The following ZNF540 variants were observed in gnomAD, a reference collection of about 807,000 sequenced individuals.
The protein encoded by ZNF540 is zinc finger protein 540.
ZNF540 carries 3 observed loss-of-function variants against 11.8 expected under a neutral mutation model. That is an observed-to-expected ratio of 0.25 (90% confidence interval 0.12 to 0.65). The LOEUF (loss-of-function observed/expected upper bound fraction) is 0.65. Among genes scored for constraint, ZNF540 ranks in the 30% least tolerant of loss-of-function variants. The probability of loss-of-function intolerance (pLI) is 0.83; values close to 1 mark genes in which losing one functional copy is unlikely to be tolerated. For synonymous variants in ZNF540, 247 were observed against 259.0 expected (o/e 0.95, Z 0.45); for missense variants, 709 against 793.1 (o/e 0.89, Z 1.27).
At chr19:37,556,146 C>T (rs892328935) in intron 1 of ZNF540, 33 of 702,050 alleles carry the variant, frequency 4.7e-5, no homozygotes, top group Non-Finnish European at 7.3e-5. Context: ...TTGCTCTTCG[C>T]GGGTACGGGC....
intron 1 of ZNF540, chr19:37,560,991 C>T (rs2042709522): frequency 7.4e-6 from 1 of 135,276 alleles, no homozygotes; most frequent in Non-Finnish European, 1.5e-5. Flanking sequence ...GCAGGAGGAT[C>T]ACTTGAAGCC....
chr19:37,578,367 A>T (rs1360220749), intron 1 of ZNF540, among the ~76,000 whole-genome samples: 1 of 152,140 alleles, frequency 6.6e-6, no homozygotes, highest in Non-Finnish European at 1.5e-5. Context: ...TGAGAGAGTG[A>T]GAGTCCCTGG....
At position 37,613,400 on chromosome 19, in the gene ZNF540, C is replaced by A. The variant is rs528267969; in HGVS notation, c.*137C>A. 6.9e-5 allele frequency: 42 copies of A among 610,396 alleles called. No homozygotes were observed. In the East Asian group the frequency reaches 1.3e-3, roughly 18 times the overall value. 37.8% of individuals were successfully genotyped at this position (610,396 alleles called of 1,614,324 possible). On this transcript the variant is annotated 3_prime_UTR_variant, in exon 5 of 5. Transcript: ENST00000316433. ...TATGAGTCTTAAATACCTCTTAGTTCTCATTAAATTTAGGAAAATTCACAC... is the reference window on the plus strand; with the variant it reads ...TATGAGTCTTAAATACCTCTTAGTTATCATTAAATTTAGGAAAATTCACAC...
intron 4 of ZNF540, 62 bp from the exon 5 acceptor site, chr19:37,611,451 A>C: frequency 7.3e-7 from 1 of 1,370,196 alleles, no homozygotes; most frequent in Non-Finnish European, 9.9e-7. Flanking sequence ...TTGAAAATGT[A>C]AACTTTATGT....
At position 37,600,644 on chromosome 19, in the gene ZNF540, T is replaced by G. The variant is rs866482611; in HGVS notation, c.137-366T>G. ...ATGAAAAAACTGAGGCCCAAATAAT[T>G]TAACCAGTTTGTTTACAATCATTAG... On this transcript the variant is annotated intron_variant, in intron 3 of 4. Coordinates refer to ENST00000316433, the MANE Select transcript of ZNF540 (RefSeq NM_001172225.3). Among the ~76,000 whole-genome samples the G allele has an allele frequency of 5.3e-5, 8 of 152,268 alleles. No individual in the cohort carries two copies. In the South Asian group the frequency reaches 8.3e-4, roughly 16 times the overall value.
intron 1 of ZNF540, among the ~76,000 whole-genome samples, chr19:37,597,852 C>T (rs1320190328): frequency 3.3e-5 from 5 of 152,258 alleles, no homozygotes; most frequent in Non-Finnish European, 1.5e-5. Flanking sequence ...CAGAAGTAAA[C>T]ACATGAGCAT....
intron 1 of ZNF540, among the ~76,000 whole-genome samples, chr19:37,571,206 C>T (rs1018943520): frequency 8.5e-5 from 13 of 152,068 alleles, no homozygotes; most frequent in Admixed American, 7.9e-4. Context: ...CTTACAAATT[C>T]AAACTACGAT....
At chr19:37,592,351 C>CT (rs2043893211), upstream of ZNF540, among the ~76,000 whole-genome samples, 1 of 152,156 alleles carries the variant, frequency 6.6e-6, no homozygotes, top group African/African-American at 2.4e-5. Flanking sequence ...GGTCATATCC[C>CT]TAGGAACCTT....
chr19:37,575,602 T>C (rs1198332721), intron 1 of ZNF540: 1 of 152,214 alleles, frequency 6.6e-6, no homozygotes, highest in Non-Finnish European at 1.5e-5. Context: ...TGGATGAAAC[T>C]ATGCCTGCCA....
rs531640879 is a variant in ZNF540 at position 37,565,287 on chromosome 19, GGTAA to G, written c.-73+13629_-73+13632del. The G allele has an allele frequency of 2.7e-4, 435 of 1,611,044 alleles. No homozygotes were observed. The South Asian group carries it at 3.3e-3, about 12-fold the overall frequency. On this transcript the variant is annotated intron_variant, in intron 1 of 4. Coordinates refer to the ZNF540 transcript ENST00000592533. ...CTCTCACCTGAATGAACTCTCAGGTGGTAAGTAAGTTGTGAGCCACGAAAAAAGG... is the reference window on the plus strand; with the variant it reads ...CTCTCACCTGAATGAACTCTCAGGTGGTAAGTTGTGAGCCACGAAAAAAGG...
chr19:37,582,687 T>C (rs936053636), intron 1 of ZNF540, among the ~76,000 whole-genome samples: 7 of 152,196 alleles, frequency 4.6e-5, no homozygotes, highest in African/African-American at 1.4e-4. Flanking sequence ...TTCTCCAGCC[T>C]TCCAAACCCT....
At chr19:37,556,737 GGC>G in intron 1 of ZNF540, among the ~76,000 whole-genome samples, 1 of 152,196 alleles carries the variant, frequency 6.6e-6, no homozygotes, top group East Asian at 1.9e-4. Flanking sequence ...AGGCAAGATA[GGC>G]GGCGCCCTCC....
At chr19:37,574,214 G>T (rs866911905) in intron 1 of ZNF540, among the ~76,000 whole-genome samples, 1 of 152,072 alleles carries the variant, frequency 6.6e-6, no homozygotes, top group Non-Finnish European at 1.5e-5. Flanking sequence ...CTACTCCAAA[G>T]ATTTAATTAT....
At position 37,555,990 on chromosome 19, in the gene ZNF540, G is replaced by A. The variant is rs1460809096; in HGVS notation, c.-73+4325G>A. The stretch of plus-strand genomic sequence containing the variant: ...GTAAGTATCTCGACAGCTAGTGTCA[G>A]GGTGATTCCCAGGACAGAGGTAAAA... On this transcript the variant is annotated intron_variant, in intron 1 of 4. Coordinates refer to the ZNF540 transcript ENST00000592533. 7.1e-6 allele frequency: 5 copies of A among 701,596 alleles called. No individual in the cohort carries two copies. In the East Asian group the frequency reaches 1.3e-4, roughly 19 times the overall value. The allele number at this position is 701,596 out of a possible 1,614,324, so 43.5% of individuals were successfully genotyped here.
chr19:37,574,530 A>G (rs2043178892), intron 1 of ZNF540, among the ~76,000 whole-genome samples: 1 of 152,220 alleles, frequency 6.6e-6, no homozygotes, highest in South Asian at 2.1e-4. Context: ...AAGTTTCATT[A>G]TAACATTAGA....
chr19:37,612,404 G>C lies in ZNF540; in HGVS notation c.1124G>C (p.Arg375Thr), dbSNP rs1706333587. The stretch of plus-strand genomic sequence containing the variant: ...AGTTTTTACCTTACTGAACACAGAA[G>C]AACTCATGCAGGTAAGAAACCTTAT... ...RLSFYLTEHR[R>T]THAGKKPYEC... The change falls in exon 5 of 5, where the codon AGA becomes ACA. Residue 375 changes from arginine (R) to threonine (T), a missense_variant. Transcript: ENST00000316433. The C allele has an allele frequency of 1.2e-6, 2 of 1,613,820 alleles. No homozygotes were observed. Among genetic ancestry groups the C allele is most frequent in the South Asian group, 2.2e-5 (2 of 91,074 alleles).
chr19:37,581,186 A>G (rs1263302517), intron 1 of ZNF540, among the ~76,000 whole-genome samples: 1 of 152,232 alleles, frequency 6.6e-6, no homozygotes, highest in Non-Finnish European at 1.5e-5. Context: ...CAATAATAGG[A>G]CAATTTATTT....
At chr19:37,576,957 C>T (rs1008070683) in intron 1 of ZNF540, among the ~76,000 whole-genome samples, 2 of 152,062 alleles carry the variant, frequency 1.3e-5, no homozygotes, top group Non-Finnish European at 2.9e-5. Context: ...CTATCTCTTG[C>T]TAATTCAGCC....
At chr19:37,562,176 A>C (rs1165092072) in intron 1 of ZNF540, among the ~76,000 whole-genome samples, 2 of 152,108 alleles carry the variant, frequency 1.3e-5, no homozygotes, top group Non-Finnish European at 2.9e-5. Flanking sequence ...TGAGGTCAGG[A>C]GTTTGAGAGC....
Sources: allele counts gnomAD v4.1 joint callset (sites outside exome capture counted in the v4.1 genomes callset), GRCh38; gene constraint gnomAD v4.1.1; transcripts MANE v1.5; gene names NCBI Gene and HGNC (gene_info 2026-07-23, HGNC 2026-07-21).